The following RAB30 variants were observed in gnomAD, a reference collection of about 807,000 sequenced individuals.
RAB30 encodes ras-related protein Rab-30.
A neutral mutation model predicts 25.1 loss-of-function variants in RAB30; 9 were observed. The ratio of observed to expected loss-of-function variants is 0.36; its 90% CI spans 0.22 to 0.63. The LOEUF (loss-of-function observed/expected upper bound fraction) is 0.63. Among genes scored for constraint, RAB30 ranks in the 20% least tolerant of loss-of-function variants. The pLI is 0.69. For synonymous variants in RAB30, 77 were observed against 86.4 expected, an observed-to-expected ratio of 0.89 and a Z score of 0.60; for missense variants, 140 against 243.5, an observed-to-expected ratio of 0.58 and a Z score of 2.83.
chr11:82,993,999 CAT>C (rs1381430339), intron 3 of RAB30, 38 bp downstream of exon 3: 1 of 1,487,764 alleles, frequency 6.7e-7, no homozygotes, highest in African/African-American at 1.4e-5. Context: ...TAACCTCTCA[CAT>C]AGCACCTGAC....
intron 4 of RAB30, among the ~76,000 whole-genome samples, chr11:82,983,289 T>C (rs1856675966): frequency 6.6e-6 from 1 of 152,238 alleles, no homozygotes; most frequent in Non-Finnish European, 1.5e-5. Flanking sequence ...TTGTAGATTT[T>C]ACTTTAGGAA....
intron 1 of RAB30, among the ~76,000 whole-genome samples, chr11:83,042,020 ACT>A (rs1213834471): frequency 7.1e-6 from 1 of 141,592 alleles, no homozygotes; most frequent in Non-Finnish European, 1.5e-5. Context: ...ACAGAGTGAG[ACT>A]CTGTCTCAAA....
chr11:83,069,054 T>C (rs1231913000), intron 1 of RAB30, among the ~76,000 whole-genome samples: 1 of 152,232 alleles, frequency 6.6e-6, no homozygotes, highest in South Asian at 2.1e-4. Flanking sequence ...GGCCAGATTA[T>C]AGAGGGCTAT....
At chr11:83,045,548 A>G (rs1424767986) in intron 1 of RAB30, among the ~76,000 whole-genome samples, 1 of 152,216 alleles carries the variant, frequency 6.6e-6, no homozygotes, top group African/African-American at 2.4e-5. Flanking sequence ...GCACAATCCA[A>G]GCACTTAGTC....
chr11:83,023,075 A>G (rs1268249731), intron 1 of RAB30, among the ~76,000 whole-genome samples: 2 of 152,104 alleles, frequency 1.3e-5, no homozygotes, highest in African/African-American at 2.4e-5. Flanking sequence ...TGGGTGTTCA[A>G]TTTGTTACTC....
chr11:82,990,594 C>G (rs1367654382), intron 3 of RAB30, among the ~76,000 whole-genome samples: 1 of 152,176 alleles, frequency 6.6e-6, no homozygotes, highest in Non-Finnish European at 1.5e-5. Flanking sequence ...TTTCATGACT[C>G]TCCTATCTAT....
chr11:82,997,146 G>T, intron 2 of RAB30, 78 bp downstream of exon 2: 3 of 1,241,582 alleles, frequency 2.4e-6, no homozygotes, highest in South Asian at 2.5e-5. Flanking sequence ...CATCCATCTC[G>T]ACAGATTCCC....
intron 1 of RAB30, among the ~76,000 whole-genome samples, chr11:83,036,484 TACA>T (rs1229755046): frequency 6.6e-6 from 1 of 152,176 alleles, no homozygotes; most frequent in Non-Finnish European, 1.5e-5. Flanking sequence ...TCATTTTTAA[TACA>T]ACTTCAACAC....
intron 2 of RAB30, among the ~76,000 whole-genome samples, chr11:82,995,815 C>T (rs1402910356): frequency 1.3e-5 from 2 of 152,170 alleles, no homozygotes; most frequent in East Asian, 3.8e-4. Context: ...TCTATCTAAT[C>T]TCACAATATA....
At chr11:83,010,424 C>A (rs1857278439) in intron 1 of RAB30, among the ~76,000 whole-genome samples, 1 of 152,082 alleles carries the variant, frequency 6.6e-6, no homozygotes, top group African/African-American at 2.4e-5. Flanking sequence ...GCACTCCAGA[C>A]AGAGTGAAAT....
intron 4 of RAB30, chr11:82,987,195 C>T: frequency 6.5e-6 from 1 of 153,708 alleles, no homozygotes; most frequent in African/African-American, 2.4e-5. Flanking sequence ...AAAAAAATTA[C>T]CAAAATCCAC....
chr11:83,061,710 CTTTTTTTTTTT>C (rs569263010), intron 1 of RAB30, among the ~76,000 whole-genome samples: 10 of 79,878 alleles, frequency 1.3e-4, no homozygotes, highest in Non-Finnish European at 1.6e-4. Flanking sequence ...TCTTTCTTTT[CTTTTTTTTTTT>C]TTTTTTTTTT....
intron 2 of RAB30, among the ~76,000 whole-genome samples, chr11:82,996,226 T>C (rs1856955898): frequency 6.6e-6 from 1 of 152,194 alleles, no homozygotes; most frequent in Non-Finnish European, 1.5e-5. Flanking sequence ...TCTGTCTCTT[T>C]CGTTTTCCGC....
intron 2 of RAB30, among the ~76,000 whole-genome samples, chr11:82,995,665 CTG>C (rs770858361): frequency 1.2e-4 from 19 of 152,170 alleles, no homozygotes; most frequent in Non-Finnish European, 2.6e-4. Context: ...CAAAAAATTA[CTG>C]TTGAAAATGG....
chr11:83,021,073 A>G (rs1481642358), intron 1 of RAB30, among the ~76,000 whole-genome samples: 2 of 151,856 alleles, frequency 1.3e-5, no homozygotes, highest in Non-Finnish European at 2.9e-5. Flanking sequence ...GGAGTTAAAC[A>G]CTCATCAGGA....
At chr11:83,027,527 C>T (rs1232994708) in intron 1 of RAB30, among the ~76,000 whole-genome samples, 1 of 152,158 alleles carries the variant, frequency 6.6e-6, no homozygotes, top group Non-Finnish European at 1.5e-5. Context: ...AACAGCCCAT[C>T]CAGATCACCG....
At chr11:83,045,827 C>T (rs1227281769) in intron 1 of RAB30, among the ~76,000 whole-genome samples, 2 of 152,162 alleles carry the variant, frequency 1.3e-5, no homozygotes, top group Non-Finnish European at 2.9e-5. Context: ...CACTAGGTAT[C>T]TAAAATCCAC....
At chr11:82,984,564 C>T (rs966911878) in intron 4 of RAB30, among the ~76,000 whole-genome samples, 2 of 152,150 alleles carry the variant, frequency 1.3e-5, no homozygotes, top group African/African-American at 2.4e-5. Context: ...GCGTGGTCTA[C>T]GGTAGTCTTG....
Position 82,982,378 on chromosome 11 carries a change from G to A in RAB30, c.399C>T (p.Ser133=). Residue 133 remains serine (S), a synonymous_variant, in exon 5 of 5, where the codon TCC becomes TCT. Transcript: ENST00000527633. ...KIDLAERREV[S]QQRAEEFSEA... is the part of the protein sequence containing the mutation. ...CTGAGAATTCTTCAGCTCGCTGCTG[G>A]GAAACCTCTCTCCTTTCAGCCAGGT... 1 of 1,613,970 alleles carries A rather than the reference G, an allele frequency of 6.2e-7. No individual in the cohort carries two copies. Among genetic ancestry groups the A allele is most frequent in the Non-Finnish European group, 8.5e-7 (1 of 1,179,972 alleles).
Sources: allele counts gnomAD v4.1 joint callset (sites outside exome capture counted in the v4.1 genomes callset), GRCh38; gene constraint gnomAD v4.1.1; transcripts MANE v1.5; gene names NCBI Gene and HGNC (gene_info 2026-07-23, HGNC 2026-07-21).